PTPRZ1: variants seen among roughly 807,000 people sequenced by gnomAD.
PTPRZ1 encodes the protein receptor-type tyrosine-protein phosphatase zeta.
Under a neutral mutation model 214.1 loss-of-function variants are expected in PTPRZ1, and 82 were observed. That is an observed-to-expected ratio of 0.38 (90% CI 0.32 to 0.46). PTPRZ1 has a LOEUF of 0.46. PTPRZ1 is among the 20% of genes least tolerant of loss of function. The probability of loss-of-function intolerance (pLI) is 1.00; values close to 1 mark genes in which losing one functional copy is unlikely to be tolerated. For missense variants in PTPRZ1, 2,603 were observed against 2,748.7 expected, an observed-to-expected ratio of 0.95 and a Z score of 1.19; for synonymous variants, 945 against 987.9, an observed-to-expected ratio of 0.96 and a Z score of 0.81.
chr7:122,031,441 A>G (rs1799367913), intron 14 of PTPRZ1, 33 bp from the exon 15 acceptor site: 1 of 1,478,428 alleles, frequency 6.8e-7, no homozygotes, highest in Non-Finnish European at 9.4e-7. Context: ...CTGTTAAATT[A>G]TGCTCTCTAA....
chr7:121,997,864 A>T lies in PTPRZ1; in HGVS notation c.1114-16A>T. ...TGAGAATAACATTTGTATAATTACT[A>T]ACATCTTTCTTTTAGGGTGCTATTC... is the stretch of plus-strand genomic sequence containing the variant. On this transcript the variant is annotated splice_polypyrimidine_tract_variant and intron_variant, in intron 9 of 29. Coordinates refer to ENST00000393386, the MANE Select transcript of PTPRZ1 (RefSeq NM_002851.3). 6.3e-7 allele frequency: 1 copy of T among 1,593,760 alleles called. No individual in the cohort carries two copies. The highest frequency in any genetic ancestry group is 1.7e-4 in the Middle Eastern group (1 of 6,002).
intron 11 of PTPRZ1, among the ~76,000 whole-genome samples, chr7:122,009,984 CA>C (rs1197344663): frequency 2.0e-5 from 3 of 151,928 alleles, no homozygotes; most frequent in African/African-American, 7.3e-5. Context: ...GCCTGATGAA[CA>C]AAGAAATATA....
At chr7:122,058,430 T>C (rs1290727874) in intron 27 of PTPRZ1, among the ~76,000 whole-genome samples, 1 of 152,110 alleles carries the variant, frequency 6.6e-6, no homozygotes, top group African/African-American at 2.4e-5. Context: ...AGAAAGTGTA[T>C]GCTATTTTCA....
chr7:122,006,151 C>T (rs568026027), intron 11 of PTPRZ1, among the ~76,000 whole-genome samples: 2 of 152,114 alleles, frequency 1.3e-5, no homozygotes, highest in Admixed American at 6.6e-5. Context: ...TTTTAATGGA[C>T]ATATAATACT....
intron 2 of PTPRZ1, among the ~76,000 whole-genome samples, chr7:121,951,916 C>T (rs917162639): frequency 6.6e-6 from 1 of 151,990 alleles, no homozygotes; most frequent in Admixed American, 6.6e-5. Context: ...AAAAAGTAGA[C>T]ACAAGTTTAG....
At chr7:121,978,860 T>C (rs2116551802) in intron 6 of PTPRZ1, among the ~76,000 whole-genome samples, 1 of 152,250 alleles carries the variant, frequency 6.6e-6, no homozygotes, top group South Asian at 2.1e-4. Flanking sequence ...ACGTTTCCAT[T>C]TTGAGAGTTC....
intron 21 of PTPRZ1, among the ~76,000 whole-genome samples, chr7:122,041,828 T>C (rs1054863632): frequency 6.6e-6 from 1 of 152,220 alleles, no homozygotes; most frequent in African/African-American, 2.4e-5. Context: ...GAGACCCATC[T>C]TGAGGCTTTT....
At chr7:121,960,978 A>T (rs1020635563) in intron 2 of PTPRZ1, among the ~76,000 whole-genome samples, 1 of 152,088 alleles carries the variant, frequency 6.6e-6, no homozygotes, top group African/African-American at 2.4e-5. Flanking sequence ...CGTTGATTTA[A>T]TTCTTAAGTG....
intron 18 of PTPRZ1, among the ~76,000 whole-genome samples, chr7:122,038,279 T>C (rs1328017013): frequency 6.6e-6 from 1 of 152,172 alleles, no homozygotes; most frequent in East Asian, 1.9e-4. Flanking sequence ...AGTGACGAAT[T>C]GCTAATAATG....
At chr7:121,881,159 A>G (rs1349192182) in intron 1 of PTPRZ1, among the ~76,000 whole-genome samples, 1 of 152,164 alleles carries the variant, frequency 6.6e-6, no homozygotes, top group Non-Finnish European at 1.5e-5. Flanking sequence ...AGAAGAGAAA[A>G]AGACCAGAAT....
At chr7:121,933,286 A>T (rs1795978163) in intron 2 of PTPRZ1, among the ~76,000 whole-genome samples, 1 of 152,114 alleles carries the variant, frequency 6.6e-6, no homozygotes, top group African/African-American at 2.4e-5. Flanking sequence ...AACCTCAAGC[A>T]ATGATAAGAT....
chr7:121,967,760 C>A (rs1797087098), intron 2 of PTPRZ1, among the ~76,000 whole-genome samples, 191 bp from the exon 3 acceptor site: 1 of 152,076 alleles, frequency 6.6e-6, no homozygotes, highest in African/African-American at 2.4e-5. Context: ...GTTCTACAGA[C>A]CTTTTGTAGT....
intron 20 of PTPRZ1, 44 bp from the exon 21 acceptor site, chr7:122,040,759 TGTGTGTGTGTGTG>T (rs1228861911): frequency 3.7e-5 from 34 of 918,122 alleles, no homozygotes. Flanking sequence ...TGTGTGTGTG[TGTGTGTGTGTGTG>T]TGTGTGTGTG....
chr7:122,028,672 G>T (rs1276146641), intron 14 of PTPRZ1, 29 bp downstream of exon 14: 6 of 1,456,564 alleles, frequency 4.1e-6, no homozygotes, highest in Non-Finnish European at 4.8e-6. Context: ...ACCATGAGTA[G>T]CTGGTAGATG....
At chr7:121,970,169 T>C (rs945441012) in intron 3 of PTPRZ1, among the ~76,000 whole-genome samples, 18 of 152,148 alleles carry the variant, frequency 1.2e-4, no homozygotes, top group Admixed American at 5.9e-4. Context: ...CCATGGTGTA[T>C]GTGTGCCACA....
At chr7:121,880,238 A>G (rs939174154) in intron 1 of PTPRZ1, among the ~76,000 whole-genome samples, 4 of 152,212 alleles carry the variant, frequency 2.6e-5, no homozygotes, top group African/African-American at 7.2e-5. Flanking sequence ...GCCTTATTCA[A>G]TAAGTACAAG....
chr7:121,888,094 T>G (rs1343146739), intron 1 of PTPRZ1, among the ~76,000 whole-genome samples: 1 of 152,126 alleles, frequency 6.6e-6, no homozygotes, highest in Non-Finnish European at 1.5e-5. Flanking sequence ...ATAAAAGATT[T>G]GTAGAGGAAA....
chr7:121,898,594 C>T (rs1327755380), intron 1 of PTPRZ1, among the ~76,000 whole-genome samples: 1 of 151,956 alleles, frequency 6.6e-6, no homozygotes, highest in Non-Finnish European at 1.5e-5. Context: ...TGTATGTTGT[C>T]TACACTTCCT....
At chr7:121,950,541 G>A (rs1172603551) in intron 2 of PTPRZ1, among the ~76,000 whole-genome samples, 2 of 152,212 alleles carry the variant, frequency 1.3e-5, no homozygotes, top group African/African-American at 4.8e-5. Flanking sequence ...TAGTTATCAA[G>A]GGGACTGGTG....
Sources: allele counts gnomAD v4.1 joint callset (sites outside exome capture counted in the v4.1 genomes callset), GRCh38; gene constraint gnomAD v4.1.1; transcripts MANE v1.5; gene names NCBI Gene and HGNC (gene_info 2026-07-23, HGNC 2026-07-21).